Variants in RAB3B observed in about 807,000 individuals in gnomAD.
RAB3B encodes the protein ras-related protein Rab-3B.
Under a neutral mutation model 20.5 loss-of-function variants are expected in RAB3B, and 11 were observed. That is an observed-to-expected ratio of 0.54 (90% CI 0.34 to 0.89). RAB3B has a LOEUF of 0.89. RAB3B is among the 40% of genes least tolerant of loss of function. The probability of loss-of-function intolerance (pLI) is 0.02; values close to 1 mark genes in which losing one functional copy is unlikely to be tolerated. For missense variants in RAB3B, 225 were observed against 280.9 expected (o/e 0.80, Z 1.42); for synonymous variants, 99 against 106.3 (o/e 0.93, Z 0.42).
At chr1:51,958,917 T>A (rs1684748695) in intron 2 of RAB3B, among the ~76,000 whole-genome samples, 2 of 152,200 alleles carry the variant, frequency 1.3e-5, no homozygotes, top group Admixed American at 6.5e-5. Flanking sequence ...TTGAGAGGTA[T>A]ACAGCCTTAG....
Position 51,958,437 on chromosome 1 carries a change from T to C in RAB3B, c.228+18453A>G, listed in dbSNP as rs1018841959. Reference sequence around the variant, plus strand: ...GAGGAAAGCCGGTAAGAAAGTGGCATACTCGGCCGGGCGCGGTGGCTCATG... The same window carrying C: ...GAGGAAAGCCGGTAAGAAAGTGGCACACTCGGCCGGGCGCGGTGGCTCATG... On this transcript the variant is annotated intron_variant, in intron 2 of 4. Coordinates refer to ENST00000371655, the MANE Select transcript of RAB3B (RefSeq NM_002867.4). 9.2e-5 allele frequency among the ~76,000 whole-genome samples: 14 copies of C among 152,248 alleles called. 1 individual carries two copies. The highest frequency in any genetic ancestry group is 4.1e-4 in the South Asian group (2 of 4,822).
intron 2 of RAB3B, among the ~76,000 whole-genome samples, chr1:51,963,460 T>A (rs1684809310): frequency 6.6e-6 from 1 of 152,240 alleles, no homozygotes; most frequent in African/African-American, 2.4e-5. Context: ...GCCTATTCTA[T>A]GCCTTTATCC....
chr1:51,977,230 C>T, intron 1 of RAB3B, 113 bp from the exon 2 acceptor site: 3 of 752,396 alleles, frequency 4.0e-6, no homozygotes, highest in Non-Finnish European at 6.8e-6. Context: ...TCCAGCACCA[C>T]TGAGGAAATG....
intron 2 of RAB3B, among the ~76,000 whole-genome samples, chr1:51,942,938 G>C (rs1684514152): frequency 6.6e-6 from 1 of 151,842 alleles, no homozygotes; most frequent in Non-Finnish European, 1.5e-5. Context: ...TAATTGCTTT[G>C]GGGTGCCATG....
intron 4 of RAB3B, among the ~76,000 whole-genome samples, chr1:51,924,147 G>A (rs1684211470): frequency 6.6e-6 from 1 of 152,126 alleles, no homozygotes. Flanking sequence ...TGTGGTTGAG[G>A]GGATACGGAT....
At chr1:51,939,438 G>A (rs1040818011) in intron 2 of RAB3B, among the ~76,000 whole-genome samples, 1 of 151,550 alleles carries the variant, frequency 6.6e-6, no homozygotes, top group Admixed American at 6.6e-5. Context: ...TTTTTTTTAA[G>A]AGACAGGGTC....
intron 4 of RAB3B, among the ~76,000 whole-genome samples, chr1:51,924,356 C>G (rs1684215250): frequency 6.6e-6 from 1 of 152,128 alleles, no homozygotes; most frequent in African/African-American, 2.4e-5. Flanking sequence ...AGCATCTAAC[C>G]AAGCCTGGAG....
Position 51,976,993 on chromosome 1 carries a change from T to C in RAB3B, c.125A>G (p.Tyr42Cys), listed in dbSNP as rs754664926. Residue 42 changes from tyrosine (Y) to cysteine (C), a missense_variant, in exon 2 of 5, where the codon TAT becomes TGT. Transcript: ENST00000371655. ...SVGKTSFLFR[Y>C]ADDTFTPAFV... is the part of the protein sequence containing the mutation. ...GGCTGGGGTGAACGTGTCATCAGCA[T>C]AGCGGAAGAGGAAGGAGGTCTTGCC... 2 of 1,614,224 alleles carry C rather than the reference T, an allele frequency of 1.2e-6. No individual in the cohort carries two copies. The highest frequency in any genetic ancestry group is 1.7e-5 in the Admixed American group (1 of 60,032).
chr1:51,931,988 C>A (rs542683471), intron 4 of RAB3B, among the ~76,000 whole-genome samples: 40 of 152,124 alleles, frequency 2.6e-4, no homozygotes, highest in African/African-American at 9.6e-4. Flanking sequence ...GTCAATGGAC[C>A]ACATGGAGGC....
chr1:51,933,679 C>T (rs1408279371), intron 3 of RAB3B, among the ~76,000 whole-genome samples: 1 of 152,112 alleles, frequency 6.6e-6, no homozygotes, highest in African/African-American at 2.4e-5. Flanking sequence ...CAACAAGAAG[C>T]TGGCTGTCTC....
chr1:51,946,707 T>C (rs1429059412), intron 2 of RAB3B, among the ~76,000 whole-genome samples: 1 of 152,236 alleles, frequency 6.6e-6, no homozygotes, highest in Non-Finnish European at 1.5e-5. Flanking sequence ...AAGTGCTTTA[T>C]ATATGAGACC....
chr1:51,955,011 G>A (rs560919639), intron 2 of RAB3B, among the ~76,000 whole-genome samples: 5 of 152,304 alleles, frequency 3.3e-5, no homozygotes, highest in Admixed American at 2.6e-4. Flanking sequence ...CCTATCACCC[G>A]GAAGACATTC....
At chr1:51,935,948 C>A (rs554316093) in intron 3 of RAB3B, among the ~76,000 whole-genome samples, 1 of 152,160 alleles carries the variant, frequency 6.6e-6, no homozygotes. Context: ...GCTGATGACA[C>A]CCTGAACTGC....
intron 2 of RAB3B, among the ~76,000 whole-genome samples, chr1:51,972,169 T>C (rs1340265765): frequency 6.6e-6 from 1 of 152,130 alleles, no homozygotes. Context: ...AGCGAGACTC[T>C]ATCTCAAAGA....
At chr1:51,982,410 C>T (rs111331801) in intron 1 of RAB3B, among the ~76,000 whole-genome samples, 8,854 of 152,066 alleles carry the variant, frequency 0.058, 278 homozygotes, top group South Asian at 0.065. Flanking sequence ...GAGCCTTCAT[C>T]TCAAAAAAGG....
At chr1:51,965,509 C>T (rs1020382586) in intron 2 of RAB3B, among the ~76,000 whole-genome samples, 36 of 151,562 alleles carry the variant, frequency 2.4e-4, no homozygotes, top group Admixed American at 5.3e-4. Context: ...TAGCCGGGTG[C>T]GGTGGGGGGC....
chr1:51,989,769 A>C (rs1685198457), intron 1 of RAB3B, among the ~76,000 whole-genome samples: 5 of 147,032 alleles, frequency 3.4e-5, no homozygotes, highest in African/African-American at 7.6e-5. Context: ...CTGGCCTCTC[A>C]CCCTTCCATT....
intron 2 of RAB3B, among the ~76,000 whole-genome samples, chr1:51,939,039 A>G (rs1684453207): frequency 6.6e-6 from 1 of 152,190 alleles, no homozygotes; most frequent in African/African-American, 2.4e-5. Flanking sequence ...TTTTCAAAAA[A>G]TGACTTTAAG....
At position 51,912,593 on chromosome 1, in the gene RAB3B, ATATATAT is replaced by A; in HGVS notation, c.*7327_*7333del. Reference sequence around the variant, plus strand: ...TATATATATATATATATATATATATATATATATAAAAAATGTTACTCCTGTGAGACAG... The same window carrying A: ...TATATATATATATATATATATATATAAAAAAATGTTACTCCTGTGAGACAG... On this transcript the variant is annotated 3_prime_UTR_variant, in exon 5 of 5. Transcript: ENST00000371655. 5 of 46,486 alleles carry A rather than the reference ATATATAT, an allele frequency of 1.1e-4. No individual in the cohort carries two copies. The highest frequency in any genetic ancestry group is 8.6e-4 in the South Asian group (1 of 1,162). The allele number at this position is 46,486 out of a possible 1,614,324, so 2.9% of individuals were successfully genotyped here.
Sources: gnomAD v4.1 joint callset for allele counts (sites outside exome capture counted in the v4.1 genomes callset) on GRCh38, gnomAD v4.1.1 for gene constraint, MANE v1.5 for transcripts, NCBI Gene and HGNC (gene_info 2026-07-23, HGNC 2026-07-21) for gene names.